Variants in NEMP2 observed in about 807,000 individuals in gnomAD.
NEMP2 encodes the protein nuclear envelope integral membrane protein 2.
NEMP2 carries 53 observed loss-of-function variants against 54.2 expected under a neutral mutation model. The observed-to-expected ratio is 0.98, with a 90% CI of 0.78 to 1.23. NEMP2 has a LOEUF of 1.23. Ranked by LOEUF, NEMP2 falls within the 50% of genes most tolerant of loss-of-function variation. NEMP2 has a pLI of 0.00. For missense variants in NEMP2, 455 were observed against 511.3 expected (o/e 0.89, Z 1.06); for synonymous variants, 197 against 190.3 (o/e 1.04, Z -0.29).
At chr2:190,462,130 GGTTT>G in the NEMP2 span, among the ~76,000 whole-genome samples, 1 of 151,856 alleles carries the variant, frequency 6.6e-6, no homozygotes, top group African/African-American at 2.4e-5. This position sits in a 1 kb window ranked among gnomAD's most constrained non-coding sequence, Gnocchi z 5.7. Flanking sequence ...TCTCCTTCTT[GGTTT>G]GTTTTTGTAT....
chr2:190,575,858 C>CAA, the NEMP2 span, among the ~76,000 whole-genome samples: 1 of 124,392 alleles, frequency 8.0e-6, no homozygotes, highest in Non-Finnish European at 1.7e-5. Context: ...TCCATCTCAA[C>CAA]AAAAAAAAGA....
chr2:190,552,719 CA>C, the NEMP2 span, among the ~76,000 whole-genome samples: 4,854 of 147,354 alleles, frequency 0.033, 263 homozygotes, highest in African/African-American at 0.11. Context: ...GAACCTATCT[CA>C]AAAAAAAAAA....
At chr2:190,591,621 T>G in the NEMP2 span, among the ~76,000 whole-genome samples, 2 of 152,216 alleles carry the variant, frequency 1.3e-5, no homozygotes, top group African/African-American at 4.8e-5. This position sits in a 1 kb window ranked among gnomAD's most constrained non-coding sequence, Gnocchi z 5.4. Flanking sequence ...TTATTCATAC[T>G]AGTCAATATG....
rs1260519428 is a variant in NEMP2 at position 190,521,894 on chromosome 2, T to A, written c.214-2711A>T. On this transcript the variant is annotated intron_variant, in intron 2 of 8. Coordinates refer to ENST00000409150, the MANE Select transcript of NEMP2 (RefSeq NM_001142645.2). This position sits in a 1 kb window ranked among gnomAD's most constrained non-coding sequence, Gnocchi z 6.2. ...CTTCCTTCTCCCTGAACTCTTAATA[T>A]AAGACTGACCCAGGCTTAGCCATTG... 6.6e-6 allele frequency among the ~76,000 whole-genome samples: 1 copy of A among 152,144 alleles called. No homozygotes were observed. The highest frequency in any genetic ancestry group is 2.4e-5 in the African/African-American group (1 of 41,438).
chr2:190,463,913 C>T, the NEMP2 span: 3 of 983,612 alleles, frequency 3.0e-6, no homozygotes, highest in East Asian at 1.1e-4. This position sits in a 1 kb window ranked among gnomAD's most constrained non-coding sequence, Gnocchi z 4.4. Context: ...ATACAGAAAA[C>T]GTAATCCAGT....
chr2:190,644,732 C>T, the NEMP2 span, among the ~76,000 whole-genome samples: 1 of 151,274 alleles, frequency 6.6e-6, no homozygotes, highest in Non-Finnish European at 1.5e-5. This position sits in a 1 kb window ranked among gnomAD's most constrained non-coding sequence, Gnocchi z 4.4. Context: ...CAACAGACAG[C>T]GCGGTCTACT....
the NEMP2 span, among the ~76,000 whole-genome samples, chr2:190,467,112 C>G: frequency 1.3e-5 from 2 of 152,206 alleles, no homozygotes; most frequent in African/African-American, 4.8e-5. This position sits in a 1 kb window ranked among gnomAD's most constrained non-coding sequence, Gnocchi z 5.5. Context: ...GGATTACCAA[C>G]ATTGTTTTAT....
the NEMP2 span, among the ~76,000 whole-genome samples, chr2:190,448,043 A>G: frequency 2.1e-4 from 32 of 152,180 alleles, no homozygotes; most frequent in African/African-American, 7.5e-4. Flanking sequence ...TTCCATCTTC[A>G]GTGGCTGGGT....
chr2:190,544,633 GTGAT>G, the NEMP2 span, among the ~76,000 whole-genome samples: 3 of 152,176 alleles, frequency 2.0e-5, no homozygotes, highest in South Asian at 2.1e-4. Context: ...ATACTCAAAA[GTGAT>G]TGGTGATTAC....
rs74925618 is a variant in NEMP2, at chr2:190,513,057, T to C, written c.953+1396A>G. Among the ~76,000 whole-genome samples, 6,927 of 152,284 alleles carry C rather than the reference T, an allele frequency of 0.045. 230 individuals are homozygous for C. Among genetic ancestry groups the C allele is most frequent in the Non-Finnish European group, 0.073 (4,970 of 68,014 alleles). On this transcript the variant is annotated intron_variant, in intron 7 of 8. Coordinates refer to ENST00000409150, the MANE Select transcript of NEMP2 (RefSeq NM_001142645.2). This position sits in a 1 kb window ranked among gnomAD's most constrained non-coding sequence, Gnocchi z 5.3. ...CCCTAGGCCCTCATCAGCTCTCGCC[T>C]GGACCACTGTGATGTCTGATAACTG...
At chr2:190,447,383 A>G in the NEMP2 span, among the ~76,000 whole-genome samples, 1 of 152,190 alleles carries the variant, frequency 6.6e-6, no homozygotes, top group African/African-American at 2.4e-5. The surrounding 1 kb of genome is among the most constrained non-coding windows in gnomAD (Gnocchi z 4.5). Flanking sequence ...ATTTTGTGCC[A>G]ACTAGAGAGC....
the NEMP2 span, among the ~76,000 whole-genome samples, chr2:190,490,562 C>CAAAAAAAAAACA: frequency 6.9e-6 from 1 of 144,092 alleles, no homozygotes; most frequent in African/African-American, 2.6e-5. This position sits in a 1 kb window ranked among gnomAD's most constrained non-coding sequence, Gnocchi z 4.5. Flanking sequence ...GACTCCCTCT[C>CAAAAAAAAAACA]AAAAAAAAAA....
the NEMP2 span, among the ~76,000 whole-genome samples, chr2:190,430,884 C>A: frequency 1.2e-5 from 1 of 81,980 alleles, no homozygotes; most frequent in African/African-American, 4.4e-5. Flanking sequence ...GGCTGCCGGG[C>A]GGAGACGCTC....
chr2:190,604,127 C>T, the NEMP2 span, among the ~76,000 whole-genome samples: 5 of 152,198 alleles, frequency 3.3e-5, no homozygotes, highest in Admixed American at 2.6e-4. The surrounding 1 kb of genome is among the most constrained non-coding windows in gnomAD (Gnocchi z 4.5). Flanking sequence ...GGATGGTCTA[C>T]GTGTCCATCG....
rs1174417433 is a variant in NEMP2, at chr2:190,505,808, C to T, written c.*3381G>A. 6.6e-6 allele frequency: 1 copy of T among 152,196 alleles called. No homozygotes were observed. The highest frequency in any genetic ancestry group is 1.5e-5 in the Non-Finnish European group (1 of 68,042). The allele number at this position is 152,196 out of a possible 1,614,324, so 9.4% of individuals were successfully genotyped here. On this transcript the variant is annotated 3_prime_UTR_variant, in exon 9 of 9. Transcript: ENST00000409150. The surrounding 1 kb of genome is among the most constrained non-coding windows in gnomAD (Gnocchi z 5.8). ...ACAGAGAGGAAAAAGTTGGCAGGAC[C>T]TGCATAAAGGAAGGCGTGGTCTTTG...
chr2:190,572,660 C>G, the NEMP2 span, among the ~76,000 whole-genome samples: 7 of 151,330 alleles, frequency 4.6e-5, no homozygotes, highest in Non-Finnish European at 7.4e-5. Context: ...AACATTATAT[C>G]AAGAGCTTTT....
At chr2:190,591,478 T>TGTGTGC in the NEMP2 span, among the ~76,000 whole-genome samples, 1 of 152,136 alleles carries the variant, frequency 6.6e-6, no homozygotes, top group Non-Finnish European at 1.5e-5. The surrounding 1 kb of genome is among the most constrained non-coding windows in gnomAD (Gnocchi z 5.4). Flanking sequence ...GCTCTGCGTG[T>TGTGTGC]GTGTGCGTGT....
chr2:190,539,204 C>T (rs1691470541), upstream of NEMP2, among the ~76,000 whole-genome samples: 1 of 152,144 alleles, frequency 6.6e-6, no homozygotes, highest in Non-Finnish European at 1.5e-5. The surrounding 1 kb of genome is among the most constrained non-coding windows in gnomAD (Gnocchi z 4.1). Flanking sequence ...ATTGAAGAGA[C>T]TCTCTTCTCC....
the NEMP2 span, among the ~76,000 whole-genome samples, chr2:190,483,384 C>G: frequency 4.8e-4 from 73 of 152,328 alleles, no homozygotes; most frequent in Non-Finnish European, 7.9e-4. Context: ...ACTCTCTTCT[C>G]TGTGTGACTC....
Sources: allele counts gnomAD v4.1 joint callset (sites outside exome capture counted in the v4.1 genomes callset), GRCh38; gene constraint gnomAD v4.1.1; non-coding constraint Gnocchi (gnomAD v3.1); transcripts MANE v1.5; gene names NCBI Gene and HGNC (gene_info 2026-07-23, HGNC 2026-07-21).